Variants in CNTNAP5 observed in about 807,000 individuals in gnomAD.
CNTNAP5 encodes the protein contactin-associated protein-like 5.
CNTNAP5 carries 72 observed loss-of-function variants against 150.2 expected under a neutral mutation model. The observed-to-expected ratio is 0.48, with a 90% CI of 0.40 to 0.58. The LOEUF (loss-of-function observed/expected upper bound fraction) is 0.58, where lower values mean the gene tolerates loss of function less well. CNTNAP5 is among the 20% of genes least tolerant of loss of function. The pLI is 0.00. For missense variants in CNTNAP5, 1,636 were observed against 1,626.2 expected (o/e 1.01, Z -0.10); for synonymous variants, 672 against 619.8 (o/e 1.08, Z -1.25).
intron 19 of CNTNAP5, among the ~76,000 whole-genome samples, chr2:124,825,201 G>A (rs575817886): frequency 6.6e-6 from 1 of 152,210 alleles, no homozygotes; most frequent in South Asian, 2.1e-4. Context: ...TGTATACAAG[G>A]CATAGTGTAT....
In CNTNAP5 at chr2:124,865,408, A is replaced by G; in HGVS notation, c.3320A>G (p.Asn1107Ser). Residue 1107 changes from asparagine to serine, a missense_variant, in exon 20 of 24, where the codon AAC (asparagine) becomes AGC (serine). Asn to Ser is a conservative substitution (Grantham distance 46). Transcript: ENST00000682447. ...ANRRMHHLKI[N>S]REGRELTIQM... is the part of the protein sequence containing the mutation. ...AGAAGGATGCACCACTTGAAGATTA[A>G]CCGAGAGGGAAGAGAGCTTACCATT... 1.9e-6 allele frequency: 3 copies of G among 1,552,182 alleles called. No homozygotes were observed. The highest frequency in any genetic ancestry group is 2.6e-6 in the Non-Finnish European group (3 of 1,147,098).
chr2:124,759,938 C>CTT (rs571408475), intron 14 of CNTNAP5, among the ~76,000 whole-genome samples: 1,697 of 83,614 alleles, frequency 0.02, 78 homozygotes, highest in African/African-American at 0.045. Flanking sequence ...ACTCCTCGGT[C>CTT]TTTTTTTTTT....
At chr2:124,256,002 A>G (rs1687304691) in intron 3 of CNTNAP5, among the ~76,000 whole-genome samples, 1 of 152,238 alleles carries the variant, frequency 6.6e-6, no homozygotes, top group Admixed American at 6.5e-5. Context: ...TTAACTGTGT[A>G]GAAAATAACA....
chr2:124,778,977 C>T (rs763819334), intron 17 of CNTNAP5, among the ~76,000 whole-genome samples: 1 of 152,136 alleles, frequency 6.6e-6, no homozygotes, highest in East Asian at 1.9e-4. Context: ...CCAGTGTTAT[C>T]GTCCCTGTTT....
rs532614729 is a variant in CNTNAP5 at position 124,514,239 on chromosome 2, A to G, written c.1327+9683A>G. On this transcript the variant is annotated intron_variant, in intron 8 of 23. Transcript: ENST00000682447. ...TTGCCTGAACTTTAAGATACCAAGC[A>G]AAGGTTGGAAATGTTTACCAAAGTA... 3.3e-5 allele frequency among the ~76,000 whole-genome samples: 5 copies of G among 151,970 alleles called. No individual in the cohort carries two copies. The South Asian group carries it at 1.0e-3, about 32-fold the overall frequency.
chr2:124,185,276 G>A (rs1012611250), intron 1 of CNTNAP5, among the ~76,000 whole-genome samples: 1 of 152,132 alleles, frequency 6.6e-6, no homozygotes, highest in Non-Finnish European at 1.5e-5. Flanking sequence ...TCCTCTCTGA[G>A]ACCTTGTTTG....
intron 13 of CNTNAP5, among the ~76,000 whole-genome samples, chr2:124,663,330 T>C (rs979929338): frequency 1.3e-5 from 2 of 152,186 alleles, no homozygotes; most frequent in African/African-American, 4.8e-5. Flanking sequence ...TAGTATTATA[T>C]AGACATAATC....
intron 1 of CNTNAP5, among the ~76,000 whole-genome samples, chr2:124,180,253 A>AT (rs1685178580): frequency 6.6e-6 from 1 of 152,192 alleles, no homozygotes; most frequent in Non-Finnish European, 1.5e-5. Context: ...AGAAGCAAAG[A>AT]TTTTAGGCCA....
Position 124,422,654 on chromosome 2 carries a change from A to G in CNTNAP5, c.529+5064A>G, listed in dbSNP as rs372366825. On this transcript the variant is annotated intron_variant, in intron 4 of 23. Coordinates refer to ENST00000682447, the MANE Select transcript of CNTNAP5 (RefSeq NM_001367498.1). Reference sequence around the variant, plus strand: ...TAATACCCAGATACTTTTTTTATTCACAAAATCAAAGTTAGCAACCTACGA... The same window carrying G: ...TAATACCCAGATACTTTTTTTATTCGCAAAATCAAAGTTAGCAACCTACGA... Among the ~76,000 whole-genome samples, 9 of 152,136 alleles carry G rather than the reference A, an allele frequency of 5.9e-5. No individual in the cohort carries two copies. In the East Asian group the frequency reaches 1.2e-3, roughly 20 times the overall value.
At chr2:124,165,236 A>G (rs1684784102) in intron 1 of CNTNAP5, among the ~76,000 whole-genome samples, 1 of 152,140 alleles carries the variant, frequency 6.6e-6, no homozygotes, top group African/African-American at 2.4e-5. Flanking sequence ...CAGCTTAATT[A>G]GTCACTTTGC....
intron 12 of CNTNAP5, among the ~76,000 whole-genome samples, chr2:124,614,040 A>G (rs1358835049): frequency 6.6e-6 from 1 of 152,204 alleles, no homozygotes; most frequent in Admixed American, 6.5e-5. Context: ...CCAGAGGAAC[A>G]CACACTTGTC....
intron 11 of CNTNAP5, among the ~76,000 whole-genome samples, chr2:124,593,285 CT>C (rs1473320659): frequency 1.5e-5 from 2 of 129,654 alleles, no homozygotes; most frequent in South Asian, 2.7e-4. Context: ...TCCCTCCCCC[CT>C]CCCACCTCCC....
chr2:124,862,540 G>A (rs188559189), intron 19 of CNTNAP5, among the ~76,000 whole-genome samples: 13 of 152,282 alleles, frequency 8.5e-5, no homozygotes, highest in Admixed American at 1.3e-4. Flanking sequence ...TGAGGATAGC[G>A]GGAATAACTC....
intron 3 of CNTNAP5, among the ~76,000 whole-genome samples, chr2:124,305,236 C>T (rs1450110192): frequency 1.3e-5 from 2 of 150,914 alleles, no homozygotes; most frequent in Non-Finnish European, 1.5e-5. Context: ...TGAGATTGCA[C>T]CACTGCACTC....
At chr2:124,164,205 T>C (rs905018337) in intron 1 of CNTNAP5, among the ~76,000 whole-genome samples, 2 of 152,172 alleles carry the variant, frequency 1.3e-5, no homozygotes, top group Admixed American at 1.3e-4. Context: ...GAACACGCAA[T>C]ACTCCTGCCT....
intron 13 of CNTNAP5, among the ~76,000 whole-genome samples, chr2:124,666,528 A>AG (rs1203671619): frequency 6.6e-6 from 1 of 152,182 alleles, no homozygotes; most frequent in African/African-American, 2.4e-5. Context: ...GAGAGGTGTC[A>AG]TCACAAGGCA....
chr2:124,709,760 C>A (rs35155273), intron 13 of CNTNAP5, among the ~76,000 whole-genome samples: 24,737 of 152,026 alleles, frequency 0.16, 2,287 homozygotes, highest in East Asian at 0.24. Context: ...AATTAATCCA[C>A]CAGATAATTA....
At chr2:124,213,325 C>T (rs1053160733) in intron 1 of CNTNAP5, among the ~76,000 whole-genome samples, 1 of 152,078 alleles carries the variant, frequency 6.6e-6, no homozygotes, top group Non-Finnish European at 1.5e-5. Flanking sequence ...TGGAAAAGAC[C>T]ATTGCAAAAA....
intron 13 of CNTNAP5, among the ~76,000 whole-genome samples, chr2:124,697,408 G>T (rs182419963): frequency 3.3e-5 from 5 of 152,000 alleles, no homozygotes; most frequent in Admixed American, 6.6e-5. Context: ...GACATTCCTC[G>T]TTGAAAACCT....
Sources: gnomAD v4.1 joint callset for allele counts (sites outside exome capture counted in the v4.1 genomes callset) on GRCh38, gnomAD v4.1.1 for gene constraint, MANE v1.5 for transcripts, NCBI Gene and HGNC (gene_info 2026-07-23, HGNC 2026-07-21) for gene names.